HDAC4: variants seen among roughly 807,000 people sequenced by gnomAD.
HDAC4 encodes the protein histone deacetylase A.
HDAC4 carries 16 observed loss-of-function variants against 135.1 expected under a neutral mutation model. The observed-to-expected ratio is 0.12, with a 90% CI of 0.08 to 0.18. The LOEUF (loss-of-function observed/expected upper bound fraction) is 0.18. Among genes scored for constraint, HDAC4 ranks in the 10% least tolerant of loss-of-function variants. The pLI is 1.00. For missense variants in HDAC4, 1,143 were observed against 1,511.8 expected (o/e 0.76, Z 4.05); for synonymous variants, 685 against 653.4 (o/e 1.05, Z -0.74).
At chr2:239,175,139 G>T (rs1237560691) in intron 5 of HDAC4, among the ~76,000 whole-genome samples, 2 of 152,228 alleles carry the variant, frequency 1.3e-5, no homozygotes, top group Non-Finnish European at 2.9e-5. Flanking sequence ...AACTGAGCAT[G>T]TAAGTCCTGG....
intron 3 of HDAC4, among the ~76,000 whole-genome samples, chr2:239,213,383 C>T (rs964905163): frequency 6.6e-6 from 1 of 152,194 alleles, no homozygotes; most frequent in African/African-American, 2.4e-5. Context: ...GGTGCCCGCG[C>T]CCCTCATTCC....
intron 2 of HDAC4, among the ~76,000 whole-genome samples, chr2:239,250,325 G>A (rs990858161): frequency 2.6e-5 from 4 of 152,224 alleles, no homozygotes; most frequent in Admixed American, 6.5e-5. Flanking sequence ...TTCAGTACCC[G>A]GTCTCTAACC....
chr2:239,104,008 G>A (rs1328194915), intron 15 of HDAC4, among the ~76,000 whole-genome samples: 1 of 152,356 alleles, frequency 6.6e-6, no homozygotes, highest in Non-Finnish European at 1.5e-5. Context: ...CCACAAAACC[G>A]GGCTTCCTCT....
intron 15 of HDAC4, among the ~76,000 whole-genome samples, chr2:239,104,770 T>C (rs980227912): frequency 1.3e-5 from 2 of 152,212 alleles, no homozygotes; most frequent in African/African-American, 4.8e-5. Context: ...AGCGACCCAC[T>C]GGATAAGAGA....
chr2:239,079,751 C>T (rs1040883005), intron 22 of HDAC4, among the ~76,000 whole-genome samples: 17 of 152,004 alleles, frequency 1.1e-4, no homozygotes, highest in African/African-American at 3.9e-4. Flanking sequence ...GATGTGCACA[C>T]ACACACAGAG....
chr2:239,115,288 G>T lies in HDAC4; in HGVS notation c.1556C>A (p.Pro519Gln). 1 of 1,613,316 alleles carries T rather than the reference G, an allele frequency of 6.2e-7. No individual in the cohort carries two copies. Among genetic ancestry groups the T allele is most frequent in the Non-Finnish European group, 8.5e-7 (1 of 1,179,978 alleles). The change falls in exon 13 of 27, where the codon CCA (proline) becomes CAA (glutamine). Residue 519 changes from proline to glutamine, a missense_variant. Around this residue, in one of 9 missense-constraint regions of HDAC4, gnomAD observed 196 missense variants for 210.7 expected, o/e 0.93. Transcript: ENST00000543185. This position sits in a 1 kb window ranked among gnomAD's most constrained non-coding sequence, Gnocchi z 6.3. ...CGGGTGGCTCTCCGGCTGCCGGGCT[G>T]GCTCGCTTGGCTTGGGGATGATCTG... The part of the protein sequence containing the change: ...MNKIIPKPSE[P>Q]ARQPESHPEE...
intron 12 of HDAC4, among the ~76,000 whole-genome samples, chr2:239,122,745 C>A (rs571045830): frequency 1.3e-3 from 199 of 152,326 alleles, no homozygotes; most frequent in African/African-American, 4.6e-3. Context: ...GGGCTAGGCA[C>A]GGGCCGCCTC....
chr2:239,261,343 A>G (rs1400966517), intron 2 of HDAC4, among the ~76,000 whole-genome samples: 2 of 152,200 alleles, frequency 1.3e-5, no homozygotes, highest in African/African-American at 4.8e-5. Context: ...TACAGAAGGC[A>G]CCAAGTCCAG....
Position 239,134,513 on chromosome 2 carries a change from G to A in HDAC4, c.1095+14C>T, listed in dbSNP as rs764968297. 40 of 1,613,252 alleles carry A rather than the reference G, an allele frequency of 2.5e-5. No homozygotes were observed. The highest frequency in any genetic ancestry group is 1.8e-4 in the East Asian group (8 of 44,864). ...ACCACCCCACACCACACGGACCCAC[G>A]GGGGCTGACTTACCGCAGAGGGGCC... On this transcript the variant is annotated intron_variant, in intron 10 of 26. Transcript: ENST00000543185.
chr2:239,294,944 G>A (rs1041154095), intron 2 of HDAC4, among the ~76,000 whole-genome samples: 15 of 152,258 alleles, frequency 9.9e-5, no homozygotes, highest in South Asian at 2.1e-4. Context: ...CAACGGCTTC[G>A]GGACAACGCC....
intron 3 of HDAC4, among the ~76,000 whole-genome samples, chr2:239,197,813 T>A (rs74479106): frequency 0.018 from 2,690 of 151,448 alleles, 70 homozygotes; most frequent in East Asian, 0.12. Context: ...TCTTGTCTAG[T>A]CTCTGAAGAT....
chr2:239,388,023 C>T (rs1695943896), intron 1 of HDAC4, among the ~76,000 whole-genome samples: 1 of 152,174 alleles, frequency 6.6e-6, no homozygotes, highest in African/African-American at 2.4e-5. Context: ...GACTAACGGA[C>T]CACACGTCAT....
chr2:239,396,921 C>G (rs1696598246), intron 1 of HDAC4, among the ~76,000 whole-genome samples: 1 of 152,154 alleles, frequency 6.6e-6, no homozygotes, highest in East Asian at 1.9e-4. Flanking sequence ...CCGTCACCCC[C>G]ACCTGCCTCC....
intron 5 of HDAC4, among the ~76,000 whole-genome samples, chr2:239,175,941 G>A (rs2043733384): frequency 6.6e-6 from 1 of 152,132 alleles, no homozygotes; most frequent in Non-Finnish European, 1.5e-5. Flanking sequence ...GTTCACTGGG[G>A]GAGCTAACCA....
At chr2:239,188,934 G>A (rs1391955603) in intron 4 of HDAC4, among the ~76,000 whole-genome samples, 1 of 152,238 alleles carries the variant, frequency 6.6e-6, no homozygotes, top group Non-Finnish European at 1.5e-5. Context: ...CCACAGCCCT[G>A]CCTGACATCT....
chr2:239,205,686 A>AGAG lies in HDAC4; in HGVS notation c.95-15612_95-15610dup, dbSNP rs142632861. Among the ~76,000 whole-genome samples the AGAG allele has an allele frequency of 5.2e-3, 788 of 151,698 alleles. 4 individuals are homozygous for AGAG. The highest frequency in any genetic ancestry group is 7.5e-3 in the Non-Finnish European group (509 of 67,882). ...CAGGAAGAAGAAGAAAGAAGAAGGA[A>AGAG]GAGGAGGAGGAGGAGGAGGGGAGGA... On this transcript the variant is annotated intron_variant, in intron 3 of 26. Coordinates refer to ENST00000543185, the MANE Select transcript of HDAC4 (RefSeq NM_001378414.1).
In HDAC4 at chr2:239,054,959, G is replaced by C. The variant is rs1045479644; in HGVS notation, c.3004-126C>G. The C allele has an allele frequency of 8.2e-6, 6 of 734,306 alleles. No homozygotes were observed. The Admixed American group carries it at 1.2e-4, about 15-fold the overall frequency. The allele number at this position is 734,306 out of a possible 1,614,324, so 45.5% of individuals were successfully genotyped here. A position where few individuals can be genotyped will look rare whatever the true frequency, so the allele number is the denominator to read the frequency against. ...CTTGTGGGGTGCATTTGCCCACAGA[G>C]TAGAAAAAAATAACTTTAAAAAGCC... On this transcript the variant is annotated intron_variant, in intron 24 of 26. Transcript: ENST00000543185.
At position 239,307,502 on chromosome 2, in the gene HDAC4, C is replaced by T. The variant is rs766568807; in HGVS notation, c.22+45176G>A. On this transcript the variant is annotated intron_variant, in intron 2 of 26. Coordinates refer to ENST00000543185, the MANE Select transcript of HDAC4 (RefSeq NM_001378414.1). The surrounding 1 kb of genome is among the most constrained non-coding windows in gnomAD (Gnocchi z 4.8). ...ACTAATCAGGGACCTGCCAGAGATACGAGGGCCCAGTGGTCACTAAGGCCC... is the reference window on the plus strand; with the variant it reads ...ACTAATCAGGGACCTGCCAGAGATATGAGGGCCCAGTGGTCACTAAGGCCC... Among the ~76,000 whole-genome samples the T allele has an allele frequency of 5.9e-5, 9 of 152,116 alleles. No homozygotes were observed. Among genetic ancestry groups the T allele is most frequent in the Non-Finnish European group, 1.2e-4 (8 of 68,022 alleles).
intron 3 of HDAC4, among the ~76,000 whole-genome samples, chr2:239,192,997 TTC>T (rs1457732450): frequency 6.6e-6 from 1 of 152,256 alleles, no homozygotes; most frequent in Non-Finnish European, 1.5e-5. Context: ...CTCATATTCT[TTC>T]TGTTTGGTCA....
Sources: gnomAD v4.1 joint callset for allele counts (sites outside exome capture counted in the v4.1 genomes callset) on GRCh38, gnomAD v4.1.1 for gene constraint, gnomAD v4.1.1 regional missense constraint, Gnocchi (gnomAD v3.1) non-coding constraint, MANE v1.5 for transcripts, NCBI Gene and HGNC (gene_info 2026-07-23, HGNC 2026-07-21) for gene names.